The following BRINP3 variants were observed in gnomAD, a reference collection of about 807,000 sequenced individuals.
BRINP3 encodes the protein BMP/retinoic acid-inducible neural-specific protein 3.
Under a neutral mutation model 71.0 loss-of-function variants are expected in BRINP3, and 19 were observed. The ratio of observed to expected loss-of-function variants is 0.27; its 90% CI spans 0.19 to 0.39. The LOEUF (loss-of-function observed/expected upper bound fraction) is 0.39. Among genes scored for constraint, BRINP3 ranks in the 10% least tolerant of loss-of-function variants. The pLI is 1.00. For missense variants in BRINP3, 959 were observed against 940.8 expected (o/e 1.02, Z -0.25); for synonymous variants, 380 against 337.7 (o/e 1.13, Z -1.37).
At position 190,303,406 on chromosome 1, in the gene BRINP3, A is replaced by C. The variant is rs140805724; in HGVS notation, c.237-21656T>G. On this transcript the variant is annotated intron_variant, in intron 2 of 7. Transcript: ENST00000367462. ...TGTAATCAGAAGACTCCAAATAGGC[A>C]ATACAGAAGTAATATTCAATAAAGA... Among the ~76,000 whole-genome samples the C allele has an allele frequency of 4.2e-3, 640 of 151,870 alleles. 5 individuals are homozygous for C. Among genetic ancestry groups the C allele is most frequent in the African/African-American group, 0.013 (527 of 41,524 alleles).
intron 1 of BRINP3, among the ~76,000 whole-genome samples, chr1:190,465,598 C>T (rs1271292395): frequency 6.6e-6 from 1 of 151,884 alleles, no homozygotes; most frequent in African/African-American, 2.4e-5. Context: ...TCAGTTTAGC[C>T]AGAATCCCCT....
chr1:190,320,212 A>G (rs188796774), intron 2 of BRINP3, among the ~76,000 whole-genome samples: 14 of 152,140 alleles, frequency 9.2e-5, no homozygotes, highest in Non-Finnish European at 1.8e-4. Context: ...TACCCAAAAC[A>G]CTCCTAATAT....
chr1:190,404,300 A>G (rs1317601790), intron 2 of BRINP3, among the ~76,000 whole-genome samples: 1 of 152,172 alleles, frequency 6.6e-6, no homozygotes, highest in East Asian at 1.9e-4. Context: ...AGAAAAATGA[A>G]TTCATTAAAG....
At chr1:190,244,232 T>C (rs953455564) in intron 4 of BRINP3, among the ~76,000 whole-genome samples, 1 of 152,092 alleles carries the variant, frequency 6.6e-6, no homozygotes, top group Non-Finnish European at 1.5e-5. Context: ...GACTAACTTA[T>C]AATTGTGCAA....
At chr1:190,273,075 T>C (rs1470404058) in intron 3 of BRINP3, among the ~76,000 whole-genome samples, 4 of 150,682 alleles carry the variant, frequency 2.7e-5, no homozygotes, top group African/African-American at 7.3e-5. Context: ...CAATTGTGCA[T>C]AACTATCATA....
rs548436643 is a variant in BRINP3 at position 190,212,467 on chromosome 1, G to A, written c.961+13615C>T. Reference sequence around the variant, plus strand: ...CATTTTCCCGCAAGTATAGAAGACTGGAAAACATGAGATAGCAAGAGAAAA... The same window carrying A: ...CATTTTCCCGCAAGTATAGAAGACTAGAAAACATGAGATAGCAAGAGAAAA... On this transcript the variant is annotated intron_variant, in intron 6 of 7. Coordinates refer to ENST00000367462, the MANE Select transcript of BRINP3 (RefSeq NM_199051.3). Among the ~76,000 whole-genome samples, 8 of 152,168 alleles carry A rather than the reference G, an allele frequency of 5.3e-5. No individual in the cohort carries two copies. In the South Asian group the frequency reaches 1.7e-3, roughly 32 times the overall value.
At chr1:190,364,089 A>C (rs1423587795) in intron 2 of BRINP3, among the ~76,000 whole-genome samples, 1 of 152,176 alleles carries the variant, frequency 6.6e-6, no homozygotes, top group Non-Finnish European at 1.5e-5. Context: ...TCTCTGATAA[A>C]ATTTTCAAGA....
chr1:190,327,001 G>A (rs1204256138), intron 2 of BRINP3, among the ~76,000 whole-genome samples: 29 of 140,176 alleles, frequency 2.1e-4, no homozygotes, highest in Middle Eastern at 3.6e-3. Flanking sequence ...AAAACAGACA[G>A]TGTCAAGTTA....
At chr1:190,310,714 A>G (rs989957244) in intron 2 of BRINP3, among the ~76,000 whole-genome samples, 5 of 151,656 alleles carry the variant, frequency 3.3e-5, no homozygotes, top group African/African-American at 1.2e-4. Flanking sequence ...CATTAATTAT[A>G]TATTCATAGA....
At chr1:190,213,354 G>T (rs1656145694) in intron 6 of BRINP3, among the ~76,000 whole-genome samples, 1 of 151,976 alleles carries the variant, frequency 6.6e-6, no homozygotes, top group Non-Finnish European at 1.5e-5. Flanking sequence ...TGAACAAAGT[G>T]AACTTCAGTG....
intron 2 of BRINP3, among the ~76,000 whole-genome samples, chr1:190,415,142 A>G (rs550295741): frequency 1.2e-4 from 18 of 152,300 alleles, no homozygotes; most frequent in Non-Finnish European, 2.5e-4. Flanking sequence ...CAACATCTAT[A>G]TAGGACACAG....
chr1:190,226,808 A>T (rs1454691960), intron 5 of BRINP3, among the ~76,000 whole-genome samples: 3 of 151,988 alleles, frequency 2.0e-5, no homozygotes, highest in Non-Finnish European at 4.4e-5. Flanking sequence ...GGCTTATCTC[A>T]TGCCATTAAC....
intron 2 of BRINP3, among the ~76,000 whole-genome samples, chr1:190,413,824 T>C (rs1031577875): frequency 1.3e-5 from 2 of 152,072 alleles, no homozygotes; most frequent in African/African-American, 4.8e-5. Context: ...CAAAGAAAAA[T>C]GCCTATGTTA....
At chr1:190,318,300 C>T (rs551786142) in intron 2 of BRINP3, among the ~76,000 whole-genome samples, 1 of 152,190 alleles carries the variant, frequency 6.6e-6, no homozygotes, top group Admixed American at 6.6e-5. Context: ...ATATTTTCAG[C>T]ATTGGGGGCA....
chr1:190,103,528 G>A (rs1651879327), intron 7 of BRINP3, among the ~76,000 whole-genome samples: 1 of 152,054 alleles, frequency 6.6e-6, no homozygotes, highest in Non-Finnish European at 1.5e-5. Context: ...GGAATCTCAT[G>A]TTAAAATATG....
chr1:190,123,667 T>A (rs953162413), intron 7 of BRINP3, among the ~76,000 whole-genome samples: 4 of 152,180 alleles, frequency 2.6e-5, no homozygotes, highest in African/African-American at 9.6e-5. Flanking sequence ...ATTAGAATAT[T>A]GATTGTTTTC....
chr1:190,325,646 A>G (rs1177568059), intron 2 of BRINP3, among the ~76,000 whole-genome samples: 1 of 152,076 alleles, frequency 6.6e-6, no homozygotes, highest in African/African-American at 2.4e-5. Context: ...TTACTTGACA[A>G]TATTAAAATA....
At chr1:190,348,933 A>T (rs943703498) in intron 2 of BRINP3, among the ~76,000 whole-genome samples, 2 of 152,138 alleles carry the variant, frequency 1.3e-5, no homozygotes, top group Non-Finnish European at 1.5e-5. Context: ...TTCAATAAAT[A>T]CCAGATTATC....
At chr1:190,150,010 C>G (rs1656245022) in intron 7 of BRINP3, among the ~76,000 whole-genome samples, 1 of 152,094 alleles carries the variant, frequency 6.6e-6, no homozygotes, top group Non-Finnish European at 1.5e-5. Flanking sequence ...TATTCACTCA[C>G]TTTATAACTT....
Sources: allele counts gnomAD v4.1 joint callset (sites outside exome capture counted in the v4.1 genomes callset), GRCh38; gene constraint gnomAD v4.1.1; transcripts MANE v1.5; gene names NCBI Gene and HGNC (gene_info 2026-07-23, HGNC 2026-07-21).